The following PLA2G4C variants were observed in gnomAD, a reference collection of about 807,000 sequenced individuals.
The protein encoded by PLA2G4C is cytosolic phospholipase A2 gamma.
A neutral mutation model predicts 73.8 loss-of-function variants in PLA2G4C; 64 were observed. The observed-to-expected ratio is 0.87, with a 90% CI of 0.71 to 1.07. The LOEUF (loss-of-function observed/expected upper bound fraction) is 1.07. PLA2G4C is among the 50% of genes least tolerant of loss of function. PLA2G4C has a pLI of 0.00. For synonymous variants in PLA2G4C, 254 were observed against 252.1 expected, an observed-to-expected ratio of 1.01 and a Z score of -0.07; for missense variants, 622 against 665.4, an observed-to-expected ratio of 0.93 and a Z score of 0.72.
At chr19:48,100,043 ACT>A (rs1470833891) in intron 4 of PLA2G4C, 183 bp from the exon 5 acceptor site, 12 of 494,344 alleles carry the variant, frequency 2.4e-5, no homozygotes, top group Non-Finnish European at 3.6e-5. Flanking sequence ...TCGAAGGAGG[ACT>A]CAAAATCATC....
At chr19:48,099,609 C>T (rs111589819) in intron 5 of PLA2G4C, 62 bp downstream of exon 5, 1 of 1,238,218 alleles carries the variant, frequency 8.1e-7, no homozygotes, top group Non-Finnish European at 1.2e-6. Flanking sequence ...CTTTGGTAAC[C>T]CCACACCCTG....
chr19:48,106,078 C>A (rs769433414), intron 2 of PLA2G4C, among the ~76,000 whole-genome samples: 1 of 146,768 alleles, frequency 6.8e-6, no homozygotes, highest in Admixed American at 7.0e-5. Flanking sequence ...TTCACTGCAA[C>A]CTCCACCTCC....
At position 48,104,597 on chromosome 19, in the gene PLA2G4C, C is replaced by A. The variant is rs374191136; in HGVS notation, c.248G>T (p.Gly83Val). The A allele has an allele frequency of 6.8e-6, 11 of 1,613,846 alleles. No homozygotes were observed. Among genetic ancestry groups the A allele is most frequent in the African/African-American group, 2.7e-5 (2 of 74,892 alleles). ...CATGAGTGATGCTTACCAAGTGGAT[C>A]CAGAGACCCCTGCGAGGTACGTGAC... ...DAVTYLAGVS[G>V]STWAISSLYT... Residue 83 changes from glycine (G) to valine (V), a missense_variant, in exon 4 of 17, where the codon GGA becomes GTA. By Grantham distance (109) the Gly-to-Val change is moderately radical (BLOSUM62 -3). Coordinates refer to ENST00000599921, the MANE Select transcript of PLA2G4C (RefSeq NM_003706.3).
intron 13 of PLA2G4C, among the ~76,000 whole-genome samples, chr19:48,063,275 CTCGTGATCTACCCG>C: frequency 6.6e-6 from 1 of 152,114 alleles, no homozygotes; most frequent in South Asian, 2.1e-4. Context: ...AACTCCTGAC[CTCGTGATCTACCCG>C]CTTCTGCCTC....
rs987639684 is a variant in PLA2G4C at position 48,097,413 on chromosome 19, C to A, written c.568+726G>T. Among the ~76,000 whole-genome samples, 14 of 150,988 alleles carry A rather than the reference C, an allele frequency of 9.3e-5. No homozygotes were observed. The East Asian group carries it at 2.8e-3, about 30-fold the overall frequency. The stretch of plus-strand genomic sequence containing the variant: ...GACTACAGGCGCCCGCCGCCACGCC[C>A]AGCTAATTTTTTGTATTTTTAGTAG... On this transcript the variant is annotated intron_variant, in intron 6 of 16. Coordinates refer to ENST00000599921, the MANE Select transcript of PLA2G4C (RefSeq NM_003706.3).
chr19:48,106,557 T>G lies in PLA2G4C; in HGVS notation c.-28A>C, dbSNP rs1458173302. 6.2e-7 allele frequency: 1 copy of G among 1,612,890 alleles called. No homozygotes were observed. On this transcript the variant is annotated 5_prime_UTR_variant, in exon 2 of 17. Transcript: ENST00000599921. Reference sequence around the variant, plus strand: ...TGCACTGCGGTCAGAAAATTCTCAGTCCTCCTGCCAAAGAAATGGCTCTTC... The same window carrying G: ...TGCACTGCGGTCAGAAAATTCTCAGGCCTCCTGCCAAAGAAATGGCTCTTC...
At chr19:48,068,768 G>C (rs1968546778) in intron 12 of PLA2G4C, among the ~76,000 whole-genome samples, 1 of 150,660 alleles carries the variant, frequency 6.6e-6, no homozygotes, top group African/African-American at 2.4e-5. Context: ...AAGACACCAA[G>C]AATACCAAGA....
intron 2 of PLA2G4C, 172 bp from the exon 3 acceptor site, chr19:48,105,616 A>G (rs2032137492): frequency 1.7e-6 from 1 of 582,324 alleles, no homozygotes; most frequent in East Asian, 2.9e-5. Context: ...TGATGGTTGT[A>G]CAACACTGTG....
chr19:48,071,928 A>G (rs1426431748), intron 12 of PLA2G4C, among the ~76,000 whole-genome samples: 1 of 151,902 alleles, frequency 6.6e-6, no homozygotes, highest in African/African-American at 2.4e-5. Context: ...TGGGCGGATC[A>G]CAAGGTCAGG....
intron 4 of PLA2G4C, chr19:48,104,258 G>T: frequency 4.1e-6 from 1 of 242,718 alleles, no homozygotes; most frequent in Non-Finnish European, 8.1e-6. Flanking sequence ...TGAGTTCTGT[G>T]AGCTATTCCA....
chr19:48,068,380 A>AGGACTG (rs1308936708), intron 12 of PLA2G4C, among the ~76,000 whole-genome samples: 1 of 151,280 alleles, frequency 6.6e-6, no homozygotes, highest in East Asian at 2.0e-4. Flanking sequence ...CTAATTCAAT[A>AGGACTG]GGACTGGGGT....
chr19:48,077,818 A>C lies in PLA2G4C; in HGVS notation c.851T>G (p.Leu284Ter). 6.2e-7 allele frequency: 1 copy of C among 1,607,434 alleles called. No individual in the cohort carries two copies. The change falls in exon 11 of 17, where the codon TTA becomes TGA. Residue 284 changes from leucine to a stop codon, truncating the protein, a stop_gained. Transcript: ENST00000599921. LOFTEE classifies it high-confidence loss of function. ...KSIGHLIFARLLRLQESSQGE... is the reference protein window; with the variant it reads ...KSIGHLIFAR ...TTGTGAACTTTCTTGCAGCCTCAGT[A>C]ATCGGGCTGCAAAAGAGCAGAGGCA...
chr19:48,089,819 TCTC>T (rs910371074), intron 8 of PLA2G4C, among the ~76,000 whole-genome samples: 5 of 152,152 alleles, frequency 3.3e-5, no homozygotes, highest in Admixed American at 2.0e-4. Flanking sequence ...ACCACCCAGT[TCTC>T]CTATAGATCC....
intron 10 of PLA2G4C, among the ~76,000 whole-genome samples, chr19:48,083,404 T>G (rs1393944839): frequency 4.7e-5 from 7 of 150,486 alleles, no homozygotes; most frequent in African/African-American, 1.7e-4. Context: ...TTTTTTTTTT[T>G]TTTTTGTTTG....
intron 1 of PLA2G4C, among the ~76,000 whole-genome samples, chr19:48,107,308 A>G (rs2032284232): frequency 6.6e-6 from 1 of 152,168 alleles, no homozygotes; most frequent in African/African-American, 2.4e-5. Flanking sequence ...GTCTGCCAAA[A>G]TGCTCACTCT....
chr19:48,086,243 G>A (rs903851225), intron 9 of PLA2G4C, among the ~76,000 whole-genome samples: 2 of 152,174 alleles, frequency 1.3e-5, no homozygotes, highest in Non-Finnish European at 2.9e-5. Flanking sequence ...CTGAGCACAG[G>A]CTGCCTGGAA....
chr19:48,067,940 T>G, intron 12 of PLA2G4C, 54 bp from the exon 13 acceptor site: 1 of 1,248,062 alleles, frequency 8.0e-7, no homozygotes, highest in South Asian at 1.2e-5. Context: ...GAGTGGTTTC[T>G]GCCCCCACCA....
chr19:48,074,694 G>C, intron 12 of PLA2G4C, 73 bp downstream of exon 12: 2 of 989,484 alleles, frequency 2.0e-6, no homozygotes, highest in Admixed American at 3.4e-5. Context: ...CCACAGGGGT[G>C]GGGAAGAGCA....
intron 14 of PLA2G4C, among the ~76,000 whole-genome samples, chr19:48,055,924 G>A (rs113231232): frequency 0.027 from 4,082 of 152,096 alleles, 181 homozygotes; most frequent in African/African-American, 0.094. Context: ...GCGCCCGGCC[G>A]TAAAGGTACT....
Sources: allele counts gnomAD v4.1 joint callset (sites outside exome capture counted in the v4.1 genomes callset), GRCh38; gene constraint gnomAD v4.1.1; transcripts MANE v1.5; gene names NCBI Gene and HGNC (gene_info 2026-07-23, HGNC 2026-07-21).